SLC10A7: variants seen among roughly 807,000 people sequenced by gnomAD.
SLC10A7 encodes the protein solute carrier family 10 member 7.
In SLC10A7, 29 loss-of-function variants were observed where a neutral mutation model predicts 43.2. That is an observed-to-expected ratio of 0.67 (90% CI 0.50 to 0.92). The LOEUF (loss-of-function observed/expected upper bound fraction) is 0.92. Among genes scored for constraint, SLC10A7 ranks in the 40% least tolerant of loss-of-function variants. SLC10A7 has a pLI of 0.00. For synonymous variants in SLC10A7, 152 were observed against 144.8 expected, an observed-to-expected ratio of 1.05 and a Z score of -0.35; for missense variants, 295 against 403.2, an observed-to-expected ratio of 0.73 and a Z score of 2.30.
chr4:146,320,541 T>C (rs1388338623), intron 6 of SLC10A7, among the ~76,000 whole-genome samples: 2 of 151,984 alleles, frequency 1.3e-5, no homozygotes, highest in African/African-American at 4.8e-5. Context: ...AATTGGATTA[T>C]TGAGGGATGC....
intron 4 of SLC10A7, among the ~76,000 whole-genome samples, chr4:146,458,823 C>T (rs1344902286): frequency 6.6e-6 from 1 of 151,806 alleles, no homozygotes; most frequent in African/African-American, 2.4e-5. Context: ...AACTTTAAAA[C>T]TCTCTTTACT....
intron 4 of SLC10A7, among the ~76,000 whole-genome samples, chr4:146,443,585 G>A (rs1447474483): frequency 6.6e-6 from 1 of 152,012 alleles, no homozygotes; most frequent in African/African-American, 2.4e-5. Flanking sequence ...AAGAAAACAA[G>A]AAAGAAAAAA....
intron 5 of SLC10A7, among the ~76,000 whole-genome samples, chr4:146,334,132 G>A (rs574741791): frequency 6.6e-6 from 1 of 152,146 alleles, no homozygotes; most frequent in Admixed American, 6.5e-5. Flanking sequence ...TGGAACTGGG[G>A]ATGCACAGAC....
intron 10 of SLC10A7, among the ~76,000 whole-genome samples, chr4:146,281,710 A>G (rs1328323840): frequency 6.6e-6 from 1 of 152,176 alleles, no homozygotes; most frequent in Admixed American, 6.6e-5. Flanking sequence ...CAACTAAAAT[A>G]CACTTGTTAC....
At chr4:146,462,526 C>T (rs1732633953) in intron 4 of SLC10A7, among the ~76,000 whole-genome samples, 2 of 152,068 alleles carry the variant, frequency 1.3e-5, no homozygotes, top group South Asian at 4.1e-4. Context: ...CACCATTAAC[C>T]TTTATTTGAC....
At chr4:146,321,000 G>A (rs1732670116) in intron 6 of SLC10A7, among the ~76,000 whole-genome samples, 1 of 152,042 alleles carries the variant, frequency 6.6e-6, no homozygotes, top group Non-Finnish European at 1.5e-5. Flanking sequence ...AAAAGGTTAG[G>A]AATACAGCTG....
At chr4:146,272,149 A>T (rs1728936475) in intron 10 of SLC10A7, among the ~76,000 whole-genome samples, 1 of 152,186 alleles carries the variant, frequency 6.6e-6, no homozygotes, top group South Asian at 2.1e-4. Flanking sequence ...CACTTGCTGA[A>T]TGAATGAATG....
chr4:146,272,463 G>T (rs1189314602), intron 10 of SLC10A7, among the ~76,000 whole-genome samples: 1 of 152,132 alleles, frequency 6.6e-6, no homozygotes, highest in African/African-American at 2.4e-5. Flanking sequence ...GGCTGTAAAT[G>T]GGGACATACA....
intron 5 of SLC10A7, among the ~76,000 whole-genome samples, chr4:146,344,997 C>G (rs1443676150): frequency 6.6e-6 from 1 of 152,092 alleles, no homozygotes; most frequent in Non-Finnish European, 1.5e-5. Flanking sequence ...GAACACTGTT[C>G]CGGAAGAAAG....
chr4:146,301,340 A>C (rs1472093062), intron 7 of SLC10A7, among the ~76,000 whole-genome samples: 1 of 152,114 alleles, frequency 6.6e-6, no homozygotes, highest in Non-Finnish European at 1.5e-5. Context: ...AAGGATGATG[A>C]GTATGCAGCA....
intron 5 of SLC10A7, among the ~76,000 whole-genome samples, chr4:146,404,864 T>C (rs942534653): frequency 6.6e-6 from 1 of 152,170 alleles, no homozygotes; most frequent in South Asian, 2.1e-4. Flanking sequence ...TCTTTACTGA[T>C]ATACATTGCA....
intron 10 of SLC10A7, among the ~76,000 whole-genome samples, chr4:146,259,134 T>C (rs1275588101): frequency 6.6e-6 from 1 of 152,166 alleles, no homozygotes; most frequent in Non-Finnish European, 1.5e-5. Flanking sequence ...TTGCGTGTGA[T>C]GGAGTTGCTT....
intron 6 of SLC10A7, among the ~76,000 whole-genome samples, chr4:146,320,668 T>C (rs1247891799): frequency 2.0e-5 from 3 of 152,040 alleles, no homozygotes; most frequent in Non-Finnish European, 4.4e-5. Flanking sequence ...AAGGACCAAC[T>C]ATGTGAATAC....
At chr4:146,361,363 T>G (rs1378593805) in intron 5 of SLC10A7, among the ~76,000 whole-genome samples, 2 of 152,200 alleles carry the variant, frequency 1.3e-5, no homozygotes, top group African/African-American at 2.4e-5. Context: ...AATTATATTC[T>G]TTCACAATAT....
intron 5 of SLC10A7, among the ~76,000 whole-genome samples, chr4:146,348,988 T>C (rs1228449525): frequency 3.3e-5 from 5 of 152,174 alleles, no homozygotes; most frequent in Non-Finnish European, 7.3e-5. Flanking sequence ...AATTCCCTTA[T>C]TTCTTAGATT....
At chr4:146,277,144 G>C (rs1729260566) in intron 10 of SLC10A7, among the ~76,000 whole-genome samples, 1 of 152,168 alleles carries the variant, frequency 6.6e-6, no homozygotes, top group Non-Finnish European at 1.5e-5. Context: ...AATGTAGATT[G>C]TGGTTAAAAA....
chr4:146,460,077 T>C (rs1474389861), intron 4 of SLC10A7, among the ~76,000 whole-genome samples: 1 of 151,904 alleles, frequency 6.6e-6, no homozygotes, highest in Admixed American at 6.6e-5. Context: ...AATTAACACA[T>C]GAAAAGATCC....
intron 5 of SLC10A7, among the ~76,000 whole-genome samples, chr4:146,335,842 T>G (rs1413573745): frequency 6.6e-6 from 1 of 152,110 alleles, no homozygotes; most frequent in East Asian, 1.9e-4. Flanking sequence ...ATAATTTATT[T>G]ACTCTCTTTG....
chr4:146,343,493 G>A (rs1578935748), intron 5 of SLC10A7, among the ~76,000 whole-genome samples: 2 of 152,062 alleles, frequency 1.3e-5, no homozygotes, highest in East Asian at 3.9e-4. Flanking sequence ...TCAAATGAAG[G>A]AGTGTAAATG....
Sources: allele counts gnomAD v4.1 joint callset (sites outside exome capture counted in the v4.1 genomes callset), GRCh38; gene constraint gnomAD v4.1.1; transcripts MANE v1.5; gene names NCBI Gene and HGNC (gene_info 2026-07-23, HGNC 2026-07-21).